ATP8A1: variants seen among roughly 807,000 people sequenced by gnomAD.
ATP8A1 encodes the protein ATPase phospholipid transporting 8A1.
ATP8A1 carries 90 observed loss-of-function variants against 177.7 expected under a neutral mutation model. That is an observed-to-expected ratio of 0.51 (90% CI 0.43 to 0.60). ATP8A1 has a LOEUF of 0.60. ATP8A1 is among the 20% of genes least tolerant of loss of function. The probability of loss-of-function intolerance (pLI) is 0.00; values close to 1 mark genes in which losing one functional copy is unlikely to be tolerated. For missense variants in ATP8A1, 1,072 were observed against 1,392.8 expected (o/e 0.77, Z 3.67); for synonymous variants, 493 against 485.9 (o/e 1.01, Z -0.19).
intron 27 of ATP8A1, among the ~76,000 whole-genome samples, chr4:42,457,564 T>C (rs1281516986): frequency 6.6e-6 from 1 of 152,238 alleles, no homozygotes; most frequent in Non-Finnish European, 1.5e-5. Flanking sequence ...CAAATTCGTC[T>C]AACGGACAAG....
At chr4:42,618,611 A>G (rs1737144576) in intron 4 of ATP8A1, among the ~76,000 whole-genome samples, 1 of 152,116 alleles carries the variant, frequency 6.6e-6, no homozygotes. Flanking sequence ...CTTTCACTCA[A>G]TAAATATTTA....
chr4:42,635,134 T>G (rs1008772890), intron 1 of ATP8A1, among the ~76,000 whole-genome samples: 1 of 152,130 alleles, frequency 6.6e-6, no homozygotes, highest in African/African-American at 2.4e-5. Flanking sequence ...AATTTTGCCA[T>G]ATAATTTGGT....
At chr4:42,604,431 G>GAC (rs11281510) in intron 5 of ATP8A1, among the ~76,000 whole-genome samples, 8 of 9,768 alleles carry the variant, frequency 8.2e-4, no homozygotes, top group Non-Finnish European at 3.0e-3. Flanking sequence ...AGCACACACT[G>GAC]GTGCTCAGTA....
intron 14 of ATP8A1, among the ~76,000 whole-genome samples, chr4:42,569,770 A>C (rs1368665657): frequency 3.3e-5 from 5 of 152,320 alleles, no homozygotes; most frequent in African/African-American, 1.2e-4. Flanking sequence ...TTTTCACTTA[A>C]ACTATTTCAC....
chr4:42,588,891 A>G (rs1408087694), intron 7 of ATP8A1, among the ~76,000 whole-genome samples: 1 of 152,264 alleles, frequency 6.6e-6, no homozygotes, highest in African/African-American at 2.4e-5. Flanking sequence ...AAATTTTACA[A>G]TGAAAGCGGA....
At position 42,596,481 on chromosome 4, in the gene ATP8A1, C is replaced by T. The variant is rs1056371485; in HGVS notation, c.450+3997G>A. 2.0e-5 allele frequency among the ~76,000 whole-genome samples: 3 copies of T among 151,656 alleles called. No individual in the cohort carries two copies. In the South Asian group the frequency reaches 6.3e-4, roughly 32 times the overall value. ...GGTCAGGAATTCAAGACCAGCCTGG[C>T]CAATATGGCGAAACCCTGTCTCTAC... is the stretch of plus-strand genomic sequence containing the variant. On this transcript the variant is annotated intron_variant, in intron 6 of 36. Coordinates refer to ENST00000381668, the MANE Select transcript of ATP8A1 (RefSeq NM_006095.2).
chr4:42,581,766 T>C, intron 9 of ATP8A1, 34 bp from the exon 10 acceptor site: 1 of 1,483,072 alleles, frequency 6.7e-7, no homozygotes, highest in Non-Finnish European at 9.4e-7. Context: ...AGAAACAGTA[T>C]TTTCTAAAAT....
intron 25 of ATP8A1, among the ~76,000 whole-genome samples, chr4:42,465,772 C>T (rs543700749): frequency 2.1e-4 from 32 of 152,272 alleles, no homozygotes; most frequent in African/African-American, 7.2e-4. Flanking sequence ...GTGGCTCATG[C>T]CTGTAATCCC....
intron 22 of ATP8A1, among the ~76,000 whole-genome samples, chr4:42,512,107 T>C (rs1437019574): frequency 6.6e-6 from 1 of 152,240 alleles, no homozygotes; most frequent in Non-Finnish European, 1.5e-5. Context: ...TTACATTTAG[T>C]AATTCAGTTA....
rs143971696 is a variant in ATP8A1 at position 42,512,292 on chromosome 4, T to G, written c.1948-5138A>C. On this transcript the variant is annotated intron_variant, in intron 22 of 36. Transcript: ENST00000381668. ...TCAAATCATCAGGTTTTTAAACTTT[T>G]GTGTCTGTTCTTGGTCTTCAATAAT... Among the ~76,000 whole-genome samples, 3 of 152,316 alleles carry G rather than the reference T, an allele frequency of 2.0e-5. No individual in the cohort carries two copies. In the East Asian group the frequency reaches 5.8e-4, roughly 29 times the overall value.
intron 1 of ATP8A1, among the ~76,000 whole-genome samples, chr4:42,630,274 T>C (rs1468444861): frequency 6.6e-6 from 1 of 152,194 alleles, no homozygotes; most frequent in African/African-American, 2.4e-5. Flanking sequence ...TTCTTATACA[T>C]GGAGTTCTAT....
In ATP8A1 at chr4:42,451,968, C is replaced by T. The variant is rs200165067; in HGVS notation, c.2896+13G>A. 1.3e-5 allele frequency: 20 copies of T among 1,578,062 alleles called. No homozygotes were observed. The highest frequency in any genetic ancestry group is 1.2e-4 in the Admixed American group (7 of 59,224). On this transcript the variant is annotated intron_variant, in intron 30 of 36. Transcript: ENST00000381668. ...AAAAGTCATCTCTTTGCATTCATAT[C>T]CCTTCTACTTACCATACTGAAGGGC...
chr4:42,573,400 ACT>A (rs1732099527), intron 14 of ATP8A1, among the ~76,000 whole-genome samples: 1 of 152,090 alleles, frequency 6.6e-6, no homozygotes, highest in African/African-American at 2.4e-5. Flanking sequence ...TGTGGCTGCA[ACT>A]CTCCTGCTCC....
At chr4:42,476,305 AC>A in intron 25 of ATP8A1, among the ~76,000 whole-genome samples, 1 of 152,246 alleles carries the variant, frequency 6.6e-6, no homozygotes, top group East Asian at 1.9e-4. Context: ...ACATGAAAAA[AC>A]TAAAGCTGTA....
intron 20 of ATP8A1, among the ~76,000 whole-genome samples, chr4:42,537,717 C>T (rs1331485286): frequency 1.3e-5 from 2 of 152,100 alleles, no homozygotes; most frequent in Non-Finnish European, 2.9e-5. Context: ...AGGTGAAAGA[C>T]CTCTACAAGG....
chr4:42,650,513 C>T lies in ATP8A1; in HGVS notation c.49+6312G>A, dbSNP rs139842676. Among the ~76,000 whole-genome samples the T allele has an allele frequency of 4.9e-4, 75 of 152,252 alleles. No homozygotes were observed. In the East Asian group the frequency reaches 0.012, roughly 24 times the overall value. On this transcript the variant is annotated intron_variant, in intron 1 of 36. Coordinates refer to ENST00000381668, the MANE Select transcript of ATP8A1 (RefSeq NM_006095.2). ...CTTAGTCATCTTTTACCTGGAATAG[C>T]GTCCTAAAATTTTTCCTTTAAGGAC...
chr4:42,603,547 G>C (rs1735507529), intron 5 of ATP8A1, among the ~76,000 whole-genome samples: 1 of 151,712 alleles, frequency 6.6e-6, no homozygotes. Context: ...ATGATTTTTT[G>C]GCAGTTTTAT....
intron 1 of ATP8A1, among the ~76,000 whole-genome samples, chr4:42,641,010 GAA>G (rs10609874): frequency 0.36 from 44,927 of 123,286 alleles, 7,521 homozygotes; most frequent in African/African-American, 0.49. Flanking sequence ...CCCCTCACCA[GAA>G]AAAAAAAAAA....
At chr4:42,555,139 A>ATCTATCTTATCTATCTATCTATCT (rs1553903246) in intron 16 of ATP8A1, among the ~76,000 whole-genome samples, 3 of 59,558 alleles carry the variant, frequency 5.0e-5, no homozygotes, top group Non-Finnish European at 7.0e-5. Context: ...CTATCTATCT[A>ATCTATCTTATCTATCTATCTATCT]ATCTATCTAT....
Sources: gnomAD v4.1 joint callset for allele counts (sites outside exome capture counted in the v4.1 genomes callset) on GRCh38, gnomAD v4.1.1 for gene constraint, MANE v1.5 for transcripts, NCBI Gene and HGNC (gene_info 2026-07-23, HGNC 2026-07-21) for gene names.